Variants in SLC9A8 observed in about 807,000 individuals in gnomAD.
SLC9A8 encodes sodium/hydrogen exchanger 8.
SLC9A8 carries 48 observed loss-of-function variants against 66.6 expected under a neutral mutation model. The ratio of observed to expected loss-of-function variants is 0.72; its 90% CI spans 0.57 to 0.92. The LOEUF is 0.92. Among genes scored for constraint, SLC9A8 ranks in the 40% least tolerant of loss-of-function variants. The probability of loss-of-function intolerance (pLI) is 0.00; values close to 1 mark genes in which losing one functional copy is unlikely to be tolerated. For synonymous variants in SLC9A8, 274 were observed against 282.6 expected (o/e 0.97, Z 0.31); for missense variants, 599 against 747.3 (o/e 0.80, Z 2.31).
At chr20:49,834,185 CTATATATATATA>C (rs377091649) in intron 3 of SLC9A8, among the ~76,000 whole-genome samples, 61 of 34,532 alleles carry the variant, frequency 1.8e-3, no homozygotes, top group East Asian at 3.2e-3. Context: ...CTCTCTCTCT[CTATATATATATA>C]TATATATATA....
In SLC9A8 at chr20:49,874,815, T is replaced by C. The variant is rs768601411; in HGVS notation, c.1069T>C (p.Leu357=). The change falls in exon 11 of 16, where the codon TTA becomes CTA. Residue 357 remains leucine, a synonymous_variant. Coordinates refer to ENST00000361573, the MANE Select transcript of SLC9A8 (RefSeq NM_015266.3). ...MQQTLRTVAF[L]CETCVFAFLG... is the part of the protein sequence containing the mutation. ...GCAGACCCTCCGCACCGTGGCCTTC[T>C]TATGTGGTGAGTTCTGCTTCTGTGT... is the stretch of plus-strand genomic sequence containing the variant. The C allele has an allele frequency of 6.8e-5, 109 of 1,605,910 alleles. 1 individual carries two copies. In the East Asian group the frequency reaches 2.4e-3, roughly 35 times the overall value.
intron 14 of SLC9A8, among the ~76,000 whole-genome samples, chr20:49,884,336 A>ACACACACACACACACACACACACCC (rs1568884621): frequency 9.2e-6 from 1 of 108,478 alleles, no homozygotes; most frequent in African/African-American, 3.6e-5. Flanking sequence ...ACACACACAC[A>ACACACACACACACACACACACACCC]CCCCCCGGTC....
At chr20:49,874,611 C>CT in intron 10 of SLC9A8, 94 bp from the exon 11 acceptor site, 1 of 823,700 alleles carries the variant, frequency 1.2e-6, no homozygotes, top group South Asian at 1.4e-5. Context: ...CTTAAACCCT[C>CT]TAATGCTCTA....
chr20:49,845,763 C>T (rs1189874590), intron 5 of SLC9A8, among the ~76,000 whole-genome samples: 1 of 152,252 alleles, frequency 6.6e-6, no homozygotes, highest in Non-Finnish European at 1.5e-5. Context: ...GCACTGGCCC[C>T]TACCCACTTC....
At chr20:49,885,315 A>C (rs2089850832) in intron 14 of SLC9A8, among the ~76,000 whole-genome samples, 1 of 152,170 alleles carries the variant, frequency 6.6e-6, no homozygotes, top group Non-Finnish European at 1.5e-5. Context: ...GGGGTCCGAA[A>C]GAATTTGTGT....
At chr20:49,871,957 T>TCA (rs1568864542) in intron 10 of SLC9A8, among the ~76,000 whole-genome samples, 2 of 152,074 alleles carry the variant, frequency 1.3e-5, no homozygotes, top group Non-Finnish European at 2.9e-5. Flanking sequence ...ACAGGGCTAC[T>TCA]GTCAGCCTTT....
chr20:49,838,667 G>A (rs75019391), intron 3 of SLC9A8, among the ~76,000 whole-genome samples: 9 of 152,042 alleles, frequency 5.9e-5, no homozygotes, highest in Non-Finnish European at 1.0e-4. Context: ...CCATCTTCTC[G>A]TTGATGGCGA....
chr20:49,844,426 C>T (rs557503600), intron 4 of SLC9A8, among the ~76,000 whole-genome samples: 2 of 152,110 alleles, frequency 1.3e-5, no homozygotes, highest in East Asian at 3.9e-4. Context: ...AATTTTCTTT[C>T]TGTACTAAGG....
At chr20:49,867,266 G>A (rs1332918486) in intron 10 of SLC9A8, among the ~76,000 whole-genome samples, 1 of 151,964 alleles carries the variant, frequency 6.6e-6, no homozygotes, top group Non-Finnish European at 1.5e-5. Flanking sequence ...TTTTTTTTGT[G>A]TGTGTGTGTT....
At chr20:49,852,797 C>G (rs2088306218) in intron 7 of SLC9A8, among the ~76,000 whole-genome samples, 1 of 150,152 alleles carries the variant, frequency 6.7e-6, no homozygotes, top group Non-Finnish European at 1.5e-5. Context: ...GATTCCCAAG[C>G]AAACTGTGTA....
Position 49,839,029 on chromosome 20 carries a change from T to G in SLC9A8, c.290-512T>G, listed in dbSNP as rs60146264. Reference sequence around the variant, plus strand: ...AGCTTTATGGAAACATGCCTGAACTTAGATGGTCTGTTTTCTTCCAGGAAT... The same window carrying G: ...AGCTTTATGGAAACATGCCTGAACTGAGATGGTCTGTTTTCTTCCAGGAAT... On this transcript the variant is annotated intron_variant, in intron 3 of 15. Transcript: ENST00000361573. Among the ~76,000 whole-genome samples the G allele has an allele frequency of 2.6e-4, 40 of 152,336 alleles. 1 individual carries two copies. Among genetic ancestry groups the G allele is most frequent in the African/African-American group, 9.6e-4 (40 of 41,576 alleles).
chr20:49,832,979 C>T (rs150074728), intron 3 of SLC9A8, among the ~76,000 whole-genome samples: 6,258 of 151,964 alleles, frequency 0.041, 195 homozygotes, highest in Middle Eastern at 0.071. Context: ...GGTCTCAGCT[C>T]ACTGCAACCT....
At chr20:49,838,353 C>G (rs2087627125) in intron 3 of SLC9A8, among the ~76,000 whole-genome samples, 1 of 152,220 alleles carries the variant, frequency 6.6e-6, no homozygotes, top group African/African-American at 2.4e-5. Flanking sequence ...TGTTGGGGAA[C>G]TGTAGCAGGA....
Position 49,845,125 on chromosome 20 carries a change from A to G in SLC9A8, c.432+6A>G. 6.3e-7 allele frequency: 1 copy of G among 1,595,840 alleles called. No homozygotes were observed. Among genetic ancestry groups the G allele is most frequent in the Non-Finnish European group, 8.6e-7 (1 of 1,163,350 alleles). ...CTGGATATTCATTACACAAGGTGAG[A>G]CTCAGGCACACATTGGTGCTTTGGT... is the stretch of plus-strand genomic sequence containing the variant. On this transcript the variant is annotated splice_donor_region_variant and intron_variant, in intron 5 of 15. Coordinates refer to ENST00000361573, the MANE Select transcript of SLC9A8 (RefSeq NM_015266.3).
intron 3 of SLC9A8, among the ~76,000 whole-genome samples, chr20:49,831,346 G>C (rs539077033): frequency 6.6e-6 from 1 of 151,484 alleles, no homozygotes; most frequent in South Asian, 2.1e-4. Context: ...GGAGGTGGCT[G>C]TGTGTGCACG....
intron 3 of SLC9A8, among the ~76,000 whole-genome samples, chr20:49,835,009 A>G (rs1458784484): frequency 6.6e-6 from 1 of 152,238 alleles, no homozygotes; most frequent in Non-Finnish European, 1.5e-5. Flanking sequence ...ATGTTGGCAG[A>G]AATGTTAACA....
intron 1 of SLC9A8, among the ~76,000 whole-genome samples, chr20:49,813,616 A>AT (rs1281107358): frequency 1.3e-5 from 2 of 152,142 alleles, no homozygotes; most frequent in Non-Finnish European, 2.9e-5. Context: ...CCAAGGTCTG[A>AT]TTTTTCTCAC....
intron 8 of SLC9A8, among the ~76,000 whole-genome samples, chr20:49,861,420 T>TGTG (rs1197137795): frequency 6.6e-6 from 1 of 152,112 alleles, no homozygotes; most frequent in Non-Finnish European, 1.5e-5. Context: ...GATGTATGCT[T>TGTG]GTGGTCTCAG....
intron 10 of SLC9A8, among the ~76,000 whole-genome samples, chr20:49,866,775 G>A (rs1194650714): frequency 2.6e-4 from 39 of 152,014 alleles, no homozygotes; most frequent in Admixed American, 2.6e-3. Context: ...CATGCTATTG[G>A]CCCACAATAT....
Sources: gnomAD v4.1 joint callset for allele counts (sites outside exome capture counted in the v4.1 genomes callset) on GRCh38, gnomAD v4.1.1 for gene constraint, MANE v1.5 for transcripts, NCBI Gene and HGNC (gene_info 2026-07-23, HGNC 2026-07-21) for gene names.